RREB1: variants seen among roughly 807,000 people sequenced by gnomAD.
RREB1 encodes the protein ras responsive element binding protein 1, also known as ras-responsive element-binding protein 1.
RREB1 carries 27 observed loss-of-function variants against 117.8 expected under a neutral mutation model. The observed-to-expected ratio is 0.23, with a 90% CI of 0.17 to 0.32. The LOEUF is 0.32. RREB1 is among the 10% of genes least tolerant of loss of function. The pLI, the probability that RREB1 is intolerant of heterozygous loss-of-function variation, is 1.00. For synonymous variants in RREB1, 1,298 were observed against 1,026.7 expected (o/e 1.26, Z -5.05); for missense variants, 2,577 against 2,378.2 (o/e 1.08, Z -1.74).
chr6:7,127,031 A>C lies in RREB1; in HGVS notation c.-285+18971A>C, dbSNP rs140660014. On this transcript the variant is annotated intron_variant, in intron 1 of 12. Coordinates refer to ENST00000379938, the MANE Select transcript of RREB1 (RefSeq NM_001003699.4). ...GAAAACGTCCTTCTAGGCAAAAAGC[A>C]GTTTAAGTACAGGCCCTGGAGTATG... is the stretch of plus-strand genomic sequence containing the variant. Among the ~76,000 whole-genome samples, 588 of 152,366 alleles carry C rather than the reference A, an allele frequency of 3.9e-3. 3 individuals carry two copies. The highest frequency in any genetic ancestry group is 0.013 in the African/African-American group (553 of 41,588).
Position 7,179,235 on chromosome 6 carries a change from C to T in RREB1, c.-165-1889C>T, listed in dbSNP as rs544970700. Reference sequence around the variant, plus strand: ...AGACTTGAGCAAACTCTAACTCTACCACATTTTTCTTTCCTTTTTCTACAC... The same window carrying T: ...AGACTTGAGCAAACTCTAACTCTACTACATTTTTCTTTCCTTTTTCTACAC... On this transcript the variant is annotated intron_variant, in intron 2 of 12. Coordinates refer to ENST00000379938, the MANE Select transcript of RREB1 (RefSeq NM_001003699.4). 9.2e-5 allele frequency among the ~76,000 whole-genome samples: 14 copies of T among 152,214 alleles called. No homozygotes were observed. The East Asian group carries it at 2.7e-3, about 29-fold the overall frequency.
At chr6:7,160,815 T>TAGCTGGGATTACAGAGCTGGGATTACAG (rs144047052) in intron 1 of RREB1, among the ~76,000 whole-genome samples, 1 of 151,696 alleles carries the variant, frequency 6.6e-6, no homozygotes, top group African/African-American at 2.4e-5. Context: ...GCCTCCTGAG[T>TAGCTGGGATTACAGAGCTGGGATTACAG]AGCTGGGATT....
chr6:7,197,456 G>A (rs1383043110), intron 6 of RREB1, among the ~76,000 whole-genome samples: 1 of 152,176 alleles, frequency 6.6e-6, no homozygotes, highest in Non-Finnish European at 1.5e-5. Flanking sequence ...AGGCCAAGGT[G>A]AGTGGATCAC....
chr6:7,251,169 C>T lies in RREB1; in HGVS notation c.*2201C>T, dbSNP rs1769391975. 1 of 152,144 alleles carries T rather than the reference C, an allele frequency of 6.6e-6. No homozygotes were observed. Among genetic ancestry groups the T allele is most frequent in the African/African-American group, 2.4e-5 (1 of 41,424 alleles). The allele number at this position is 152,144 out of a possible 1,614,324, so 9.4% of individuals were successfully genotyped here. ...CGTGTGTAGCTGGGGCTGCCGCTCG[C>T]AATAATCACTATTGATTTAAAGCTT... On this transcript the variant is annotated 3_prime_UTR_variant, in exon 13 of 13. Transcript: ENST00000379938.
chr6:7,146,765 CTTT>C (rs752906899), intron 1 of RREB1, among the ~76,000 whole-genome samples: 2 of 129,114 alleles, frequency 1.5e-5, no homozygotes. Context: ...TTTCTTCTTT[CTTT>C]TTTTTTTTTT....
Position 7,246,785 on chromosome 6 carries a change from G to A in RREB1, c.4335G>A (p.Glu1445=). 5.2e-6 allele frequency: 8 copies of A among 1,550,952 alleles called. No individual in the cohort carries two copies. Among genetic ancestry groups the A allele is most frequent in the Non-Finnish European group, 7.0e-6 (8 of 1,148,926 alleles). The part of the protein sequence containing the change: ...EAGAGGAASQ[E]QKLACDTCGK... ...GCGCCGGGGGCGCGGCCTCGCAGGA[G>A]CAGAAGCTCGCCTGCGACACCTGTG... Residue 1445 remains glutamate (E), a synonymous_variant, in exon 12 of 13, where the codon GAG becomes GAA. Coordinates refer to ENST00000379938, the MANE Select transcript of RREB1 (RefSeq NM_001003699.4).
chr6:7,110,373 G>A (rs1205262705), intron 1 of RREB1, among the ~76,000 whole-genome samples: 3 of 152,160 alleles, frequency 2.0e-5, no homozygotes, highest in African/African-American at 4.8e-5. Flanking sequence ...AAAAACAAAC[G>A]TTGAGTTTTG....
intron 7 of RREB1, 142 bp from the exon 8 acceptor site, chr6:7,211,431 G>A (rs1766598076): frequency 1.5e-6 from 1 of 686,354 alleles, no homozygotes; most frequent in African/African-American, 1.8e-5. Flanking sequence ...TGAATGAATG[G>A]TCAGGTCCTT....
intron 1 of RREB1, among the ~76,000 whole-genome samples, chr6:7,115,676 G>T (rs1005428497): frequency 2.6e-5 from 4 of 152,070 alleles, no homozygotes; most frequent in Admixed American, 6.5e-5. Context: ...CTGCGTTCTG[G>T]TGCTTTTCTG....
At chr6:7,181,816 A>C in intron 3 of RREB1, 54 bp from the exon 4 acceptor site, 1 of 1,292,224 alleles carries the variant, frequency 7.7e-7, no homozygotes, top group Non-Finnish European at 1.1e-6. Context: ...GCCCCCTGGC[A>C]ATGACAGAAG....
intron 11 of RREB1, 51 bp from the exon 12 acceptor site, chr6:7,246,373 G>A: frequency 7.1e-7 from 1 of 1,415,794 alleles, no homozygotes; most frequent in Non-Finnish European, 9.3e-7. Flanking sequence ...CCTGGCATGG[G>A]CGTACCTGGT....
intron 6 of RREB1, among the ~76,000 whole-genome samples, chr6:7,207,157 C>T (rs1184302419): frequency 1.3e-5 from 2 of 152,314 alleles, no homozygotes; most frequent in East Asian, 3.9e-4. Context: ...AGTGTTTGTG[C>T]AATGTATCCA....
chr6:7,204,529 T>A (rs60457016), intron 6 of RREB1, among the ~76,000 whole-genome samples: 2,184 of 152,264 alleles, frequency 0.014, 50 homozygotes, highest in African/African-American at 0.05. Context: ...TCACAAAGCT[T>A]TGTTGGACAA....
At chr6:7,149,870 G>T (rs1229581127) in intron 1 of RREB1, among the ~76,000 whole-genome samples, 1 of 152,070 alleles carries the variant, frequency 6.6e-6, no homozygotes, top group Non-Finnish European at 1.5e-5. Flanking sequence ...TGTATTTTTA[G>T]TAGAGACGGG....
rs1427493675 is a variant in RREB1, at chr6:7,181,862, A to G, written c.-42-8A>G. ...CCCATGATCACATCAGCAATTTCCA[A>G]TTTTCAGTTTTATAGCAGAGGCTTC... On this transcript the variant is annotated splice_polypyrimidine_tract_variant and splice_region_variant and intron_variant, in intron 3 of 12. Coordinates refer to ENST00000379938, the MANE Select transcript of RREB1 (RefSeq NM_001003699.4). The G allele has an allele frequency of 3.7e-6, 6 of 1,604,788 alleles. No individual in the cohort carries two copies. The South Asian group carries it at 4.4e-5, about 12-fold the overall frequency.
At chr6:7,237,832 C>G (rs1768435799) in intron 10 of RREB1, among the ~76,000 whole-genome samples, 1 of 152,212 alleles carries the variant, frequency 6.6e-6, no homozygotes, top group Non-Finnish European at 1.5e-5. Context: ...CTTCTAATGA[C>G]TCATGTGAGT....
At position 7,187,759 on chromosome 6, in the gene RREB1, G is replaced by C. The variant is rs151205552; in HGVS notation, c.261+236G>C. The C allele has an allele frequency of 7.6e-4, 190 of 248,806 alleles. 3 individuals are homozygous for C. Among genetic ancestry groups the C allele is most frequent in the African/African-American group, 3.8e-3 (169 of 45,016 alleles). The allele number at this position is 248,806 out of a possible 1,614,324, so 15.4% of individuals were successfully genotyped here. A position where few individuals can be genotyped will look rare whatever the true frequency, so the allele number is the denominator to read the frequency against. ...ATTGGATTTTAATGGATGAGCTGTA[G>C]CTGTGCCTAATTTAAATTTAGTTTT... On this transcript the variant is annotated intron_variant, in intron 5 of 12. Coordinates refer to ENST00000379938, the MANE Select transcript of RREB1 (RefSeq NM_001003699.4).
At chr6:7,210,023 G>A (rs1463682040) in intron 6 of RREB1, among the ~76,000 whole-genome samples, 10 of 152,238 alleles carry the variant, frequency 6.6e-5, no homozygotes, top group Non-Finnish European at 1.5e-4. Flanking sequence ...TTCGTTTCCT[G>A]TATATCTTGG....
chr6:7,143,776 A>G (rs1318036766), intron 1 of RREB1, among the ~76,000 whole-genome samples: 1 of 151,774 alleles, frequency 6.6e-6, no homozygotes, highest in African/African-American at 2.4e-5. Flanking sequence ...TTTGAGCACA[A>G]CTGTTAGATA....
Sources: allele counts gnomAD v4.1 joint callset (sites outside exome capture counted in the v4.1 genomes callset), GRCh38; gene constraint gnomAD v4.1.1; transcripts MANE v1.5; gene names NCBI Gene and HGNC (gene_info 2026-07-23, HGNC 2026-07-21).